Variants in PARD3B observed in about 807,000 individuals in gnomAD.
PARD3B encodes the protein partitioning defective 3 homolog B.
Under a neutral mutation model 130.2 loss-of-function variants are expected in PARD3B, and 103 were observed. The ratio of observed to expected loss-of-function variants is 0.79; its 90% CI spans 0.67 to 0.93. PARD3B has a LOEUF of 0.93. PARD3B is among the 40% of genes least tolerant of loss of function. PARD3B has a pLI of 0.00. For missense variants in PARD3B, 1,609 were observed against 1,499.2 expected (o/e 1.07, Z -1.21); for synonymous variants, 583 against 553.2 (o/e 1.05, Z -0.76).
intron 22 of PARD3B, among the ~76,000 whole-genome samples, chr2:205,582,455 A>C (rs2054022394): frequency 1.3e-5 from 2 of 152,222 alleles, no homozygotes; most frequent in Non-Finnish European, 2.9e-5. Context: ...TGTGCTTGAG[A>C]AAAAGCAGGT....
chr2:204,874,825 A>C (rs762979191), intron 2 of PARD3B, among the ~76,000 whole-genome samples: 1 of 152,212 alleles, frequency 6.6e-6, no homozygotes, highest in Non-Finnish European at 1.5e-5. Flanking sequence ...TATAAAAGGA[A>C]TCATAGTTGC....
Position 204,689,708 on chromosome 2 carries a change from A to G in PARD3B, c.222+3426A>G, listed in dbSNP as rs1470337035. 2.6e-5 allele frequency among the ~76,000 whole-genome samples: 4 copies of G among 152,100 alleles called. No individual in the cohort carries two copies. Among genetic ancestry groups the G allele is most frequent in the Non-Finnish European group, 2.9e-5 (2 of 68,008 alleles). ...GAAGACAAGAGCTAGTGTTATCCCT[A>G]TTTTTAATTTCCAGAATAATCACAG... is the stretch of plus-strand genomic sequence containing the variant. On this transcript the variant is annotated intron_variant, in intron 2 of 22. Coordinates refer to ENST00000406610, the MANE Select transcript of PARD3B (RefSeq NM_001302769.2). The surrounding 1 kb of genome is among the most constrained non-coding windows in gnomAD (Gnocchi z 5.2).
intron 14 of PARD3B, among the ~76,000 whole-genome samples, chr2:205,186,754 G>A (rs72932502): frequency 3.3e-5 from 5 of 152,144 alleles, no homozygotes; most frequent in African/African-American, 7.2e-5. Flanking sequence ...CTACAGTTTC[G>A]TGAACTAGAT....
chr2:204,897,972 A>G (rs914467765), intron 2 of PARD3B, among the ~76,000 whole-genome samples: 6 of 152,096 alleles, frequency 3.9e-5, no homozygotes, highest in East Asian at 1.9e-4. Context: ...AAAAACTTCA[A>G]TGAAAATCAC....
At chr2:205,452,312 A>C (rs2048128747) in intron 20 of PARD3B, among the ~76,000 whole-genome samples, 1 of 152,182 alleles carries the variant, frequency 6.6e-6, no homozygotes, top group Non-Finnish European at 1.5e-5. Context: ...ATTTTATTTT[A>C]GTTTAATAGC....
chr2:204,798,475 A>G (rs1365647275), intron 2 of PARD3B, among the ~76,000 whole-genome samples: 1 of 152,158 alleles, frequency 6.6e-6, no homozygotes, highest in Non-Finnish European at 1.5e-5. Flanking sequence ...AAGGACTGCA[A>G]TTCCTGGGGA....
At chr2:205,223,644 A>G (rs897644360) in intron 15 of PARD3B, among the ~76,000 whole-genome samples, 1 of 152,094 alleles carries the variant, frequency 6.6e-6, no homozygotes, top group African/African-American at 2.4e-5. Flanking sequence ...CCAACCAACC[A>G]ACCAAATAAA....
chr2:205,143,563 C>G (rs2033137554), intron 10 of PARD3B, among the ~76,000 whole-genome samples: 1 of 152,186 alleles, frequency 6.6e-6, no homozygotes, highest in Non-Finnish European at 1.5e-5. Context: ...ATAGAAATTG[C>G]TCCCTTACCC....
At chr2:205,151,343 T>C (rs2033743147) in intron 10 of PARD3B, among the ~76,000 whole-genome samples, 2 of 152,168 alleles carry the variant, frequency 1.3e-5, no homozygotes, top group Admixed American at 1.3e-4. Flanking sequence ...CATTGATCTG[T>C]CTAGTGTTGA....
At chr2:205,032,205 T>C (rs1368189860) in intron 3 of PARD3B, among the ~76,000 whole-genome samples, 1 of 151,490 alleles carries the variant, frequency 6.6e-6, no homozygotes, top group African/African-American at 2.4e-5. Context: ...TGCCTTACTC[T>C]GACACTGGGT....
chr2:204,869,472 G>C (rs1257320755), intron 2 of PARD3B, among the ~76,000 whole-genome samples: 5 of 152,026 alleles, frequency 3.3e-5, no homozygotes, highest in African/African-American at 7.2e-5. Context: ...TAGCTTATTA[G>C]ACCACTGACA....
intron 2 of PARD3B, among the ~76,000 whole-genome samples, chr2:204,719,106 A>C (rs2038875807): frequency 6.6e-6 from 1 of 152,212 alleles, no homozygotes; most frequent in South Asian, 2.1e-4. Context: ...GTATGTTCAT[A>C]GTTGTTTTTC....
intron 2 of PARD3B, among the ~76,000 whole-genome samples, chr2:204,770,942 C>G (rs187065519): frequency 6.6e-6 from 1 of 152,076 alleles, no homozygotes; most frequent in Non-Finnish European, 1.5e-5. Context: ...TAACAAATAA[C>G]TTGCAGATTG....
chr2:205,400,963 C>A, intron 18 of PARD3B, 50 bp from the exon 19 acceptor site: 1 of 1,384,770 alleles, frequency 7.2e-7, no homozygotes, highest in Non-Finnish European at 1.0e-6. Flanking sequence ...AGCTCTACCG[C>A]AAAAACAATG....
intron 2 of PARD3B, among the ~76,000 whole-genome samples, chr2:204,736,295 A>G (rs114945251): frequency 5.9e-4 from 90 of 152,258 alleles, no homozygotes; most frequent in African/African-American, 2.1e-3. Context: ...TCATTTCCAT[A>G]GCATTTGGGG....
At chr2:205,494,070 C>T (rs1435164880) in intron 20 of PARD3B, among the ~76,000 whole-genome samples, 3 of 151,966 alleles carry the variant, frequency 2.0e-5, no homozygotes, top group Admixed American at 6.6e-5. Context: ...TTATAAAGAC[C>T]ATTTCTTAAC....
chr2:204,724,808 A>C (rs1207618408), intron 2 of PARD3B, among the ~76,000 whole-genome samples: 1 of 138,954 alleles, frequency 7.2e-6, no homozygotes, highest in East Asian at 2.5e-4. Flanking sequence ...TGAAAAAGTA[A>C]TAGAGGCCAT....
At chr2:204,694,172 T>G (rs1320323376) in intron 2 of PARD3B, among the ~76,000 whole-genome samples, 1 of 152,080 alleles carries the variant, frequency 6.6e-6, no homozygotes, top group Non-Finnish European at 1.5e-5. Context: ...CTATTCCTGC[T>G]GTTCAGTTCT....
intron 4 of PARD3B, among the ~76,000 whole-genome samples, chr2:205,054,425 TATA>T (rs1368619198): frequency 4.9e-4 from 11 of 22,344 alleles, no homozygotes; most frequent in South Asian, 2.0e-3. Context: ...TATATATATA[TATA>T]TATATATATT....
Sources: gnomAD v4.1 joint callset for allele counts (sites outside exome capture counted in the v4.1 genomes callset) on GRCh38, gnomAD v4.1.1 for gene constraint, Gnocchi (gnomAD v3.1) non-coding constraint, MANE v1.5 for transcripts, NCBI Gene and HGNC (gene_info 2026-07-23, HGNC 2026-07-21) for gene names.